Variants in SLC2A13 observed in about 807,000 individuals in gnomAD.
The protein encoded by SLC2A13 is solute carrier family 2 member 13.
SLC2A13 carries 32 observed loss-of-function variants against 64.4 expected under a neutral mutation model. The observed-to-expected ratio is 0.50, with a 90% CI of 0.37 to 0.67. The LOEUF (loss-of-function observed/expected upper bound fraction) is 0.67. Ranked by LOEUF, SLC2A13 falls within the 30% of genes least tolerant of loss-of-function variation. The pLI, the probability that SLC2A13 is intolerant of heterozygous loss-of-function variation, is 0.00. For synonymous variants in SLC2A13, 338 were observed against 327.1 expected (o/e 1.03, Z -0.36); for missense variants, 743 against 829.2 (o/e 0.90, Z 1.28).
rs572853335 is a variant in SLC2A13 at position 39,757,771 on chromosome 12, CT to C, written c.*2254del. On this transcript the variant is annotated 3_prime_UTR_variant, in exon 10 of 10. Coordinates refer to ENST00000280871, the MANE Select transcript of SLC2A13 (RefSeq NM_052885.4). ...ATCAGGGAGAACAGGCCATGTTCTGCTTTAGGAAATAACAAGAGTCCAGTTT... is the reference window on the plus strand; with the variant it reads ...ATCAGGGAGAACAGGCCATGTTCTGCTTAGGAAATAACAAGAGTCCAGTTT... 2.6e-5 allele frequency: 4 copies of C among 152,164 alleles called. No homozygotes were observed. The highest frequency in any genetic ancestry group is 3.4e-3 in the Middle Eastern group (1 of 294). 9.4% of individuals were successfully genotyped at this position (152,164 alleles called of 1,614,324 possible).
At chr12:39,936,353 C>T (rs1397568622) in intron 4 of SLC2A13, among the ~76,000 whole-genome samples, 1 of 151,970 alleles carries the variant, frequency 6.6e-6, no homozygotes, top group Non-Finnish European at 1.5e-5. Context: ...AGAGATTGAC[C>T]AGATACAAGC....
intron 3 of SLC2A13, among the ~76,000 whole-genome samples, chr12:40,020,428 C>T (rs1048501951): frequency 1.6e-4 from 24 of 152,280 alleles, no homozygotes; most frequent in East Asian, 7.7e-4. Context: ...CCATGTGAGA[C>T]GTGCCTTTCT....
At chr12:39,889,744 A>C (rs974900644) in intron 4 of SLC2A13, among the ~76,000 whole-genome samples, 1 of 151,786 alleles carries the variant, frequency 6.6e-6, no homozygotes, top group African/African-American at 2.4e-5. Flanking sequence ...GTTGGCCAGG[A>C]TGGTCTTGAT....
intron 3 of SLC2A13, among the ~76,000 whole-genome samples, chr12:40,000,957 C>G (rs1364726824): frequency 6.6e-6 from 1 of 152,198 alleles, no homozygotes; most frequent in Non-Finnish European, 1.5e-5. Context: ...GAGTGCCACA[C>G]ACAGGCTGCA....
chr12:39,773,160 C>T (rs1485402984), intron 7 of SLC2A13, among the ~76,000 whole-genome samples: 2 of 152,172 alleles, frequency 1.3e-5, no homozygotes, highest in Non-Finnish European at 2.9e-5. Context: ...AAAAGTCATG[C>T]TCTTGGATGT....
intron 2 of SLC2A13, among the ~76,000 whole-genome samples, chr12:40,041,278 C>A (rs1210729423): frequency 6.6e-6 from 1 of 152,086 alleles, no homozygotes; most frequent in South Asian, 2.1e-4. Flanking sequence ...TCCCACTTCA[C>A]CCCCAAACTC....
intron 4 of SLC2A13, among the ~76,000 whole-genome samples, chr12:39,906,121 C>G (rs550589792): frequency 6.1e-5 from 1 of 16,480 alleles, no homozygotes; most frequent in Non-Finnish European, 1.9e-4. Flanking sequence ...CTAATTCTTG[C>G]AGATACAGAA....
At chr12:39,886,884 T>C (rs1270944355) in intron 4 of SLC2A13, among the ~76,000 whole-genome samples, 1 of 152,206 alleles carries the variant, frequency 6.6e-6, no homozygotes, top group Admixed American at 6.5e-5. Context: ...TTTTGAGCAC[T>C]TAACTAAATG....
chr12:39,853,340 G>C (rs749242521), intron 6 of SLC2A13, among the ~76,000 whole-genome samples: 1 of 151,970 alleles, frequency 6.6e-6, no homozygotes, highest in Non-Finnish European at 1.5e-5. Flanking sequence ...ACTTTGGAAA[G>C]ATAACAGTGG....
At chr12:39,926,481 T>C (rs1330755889) in intron 4 of SLC2A13, among the ~76,000 whole-genome samples, 2 of 152,232 alleles carry the variant, frequency 1.3e-5, no homozygotes, top group Admixed American at 1.3e-4. Flanking sequence ...ATAAATGAGA[T>C]ATGTGACAGC....
chr12:40,017,976 T>TAAAAAAAAA (rs5797648), intron 3 of SLC2A13, among the ~76,000 whole-genome samples: 1 of 128,542 alleles, frequency 7.8e-6, no homozygotes, highest in South Asian at 2.6e-4. Flanking sequence ...TGCACATATT[T>TAAAAAAAAA]AAAAAAAAAA....
intron 4 of SLC2A13, among the ~76,000 whole-genome samples, chr12:39,878,968 T>C (rs972905145): frequency 1.1e-4 from 16 of 152,362 alleles, no homozygotes; most frequent in African/African-American, 3.8e-4. Flanking sequence ...CTGTGCAGCC[T>C]TGAGACACTG....
intron 4 of SLC2A13, among the ~76,000 whole-genome samples, chr12:39,894,621 ATAAAAT>A (rs1243584204): frequency 6.6e-6 from 1 of 152,228 alleles, no homozygotes; most frequent in Non-Finnish European, 1.5e-5. Context: ...ACAAGGGAAA[ATAAAAT>A]TAAACTGATC....
chr12:39,989,283 T>C (rs2136164145), intron 3 of SLC2A13, among the ~76,000 whole-genome samples: 1 of 152,312 alleles, frequency 6.6e-6, no homozygotes, highest in African/African-American at 2.4e-5. Flanking sequence ...CTCTCTGACT[T>C]TCCTGGACCA....
intron 4 of SLC2A13, among the ~76,000 whole-genome samples, chr12:39,911,119 A>C (rs1005943627): frequency 6.6e-6 from 1 of 151,958 alleles, no homozygotes; most frequent in Admixed American, 6.6e-5. Context: ...TAGGTCAGAA[A>C]TGTTATCTCA....
At chr12:39,922,499 T>A (rs1353656606) in intron 4 of SLC2A13, among the ~76,000 whole-genome samples, 2 of 152,226 alleles carry the variant, frequency 1.3e-5, no homozygotes, top group Non-Finnish European at 2.9e-5. Context: ...TCTATCTTTT[T>A]AAGGGGTTCT....
In SLC2A13 at chr12:39,972,897, G is replaced by A. The variant is rs953129135; in HGVS notation, c.926-21532C>T. 7.2e-5 allele frequency among the ~76,000 whole-genome samples: 11 copies of A among 152,050 alleles called. 1 individual carries two copies. Among genetic ancestry groups the A allele is most frequent in the African/African-American group, 1.7e-4 (7 of 41,460 alleles). On this transcript the variant is annotated intron_variant, in intron 3 of 9. Transcript: ENST00000280871. ...AGCCTGACCAACATGGAGAAACCCC[G>A]TCTCTACTAAAAATACAAAATTAGC... is the stretch of plus-strand genomic sequence containing the variant.
intron 1 of SLC2A13, among the ~76,000 whole-genome samples, chr12:40,070,790 A>T (rs1937925272): frequency 6.6e-6 from 1 of 152,084 alleles, no homozygotes; most frequent in Non-Finnish European, 1.5e-5. Context: ...TCCTTTAAAA[A>T]TTTTTTATTG....
intron 4 of SLC2A13, among the ~76,000 whole-genome samples, chr12:39,902,938 C>T (rs956066): frequency 0.49 from 74,362 of 151,822 alleles, 18,436 homozygotes; most frequent in East Asian, 0.78. Context: ...GAGTTGCACA[C>T]AAACTGTTGA....
Sources: allele counts gnomAD v4.1 joint callset (sites outside exome capture counted in the v4.1 genomes callset), GRCh38; gene constraint gnomAD v4.1.1; transcripts MANE v1.5; gene names NCBI Gene and HGNC (gene_info 2026-07-23, HGNC 2026-07-21).